KATNBL1: variants seen among roughly 807,000 people sequenced by gnomAD.
KATNBL1 encodes KATNB1-like protein 1.
Under a neutral mutation model 44.7 loss-of-function variants are expected in KATNBL1, and 28 were observed. The observed-to-expected ratio is 0.63, with a 90% confidence interval of 0.46 to 0.86. The LOEUF (loss-of-function observed/expected upper bound fraction) is 0.86. Among genes scored for constraint, KATNBL1 ranks in the 40% least tolerant of loss-of-function variants. The pLI is 0.00. For synonymous variants in KATNBL1, 78 were observed against 114.9 expected (o/e 0.68, Z 2.06); for missense variants, 272 against 350.7 (o/e 0.78, Z 1.79).
At chr15:34,189,989 G>A (rs1351459583) in intron 1 of KATNBL1, among the ~76,000 whole-genome samples, 4 of 151,120 alleles carry the variant, frequency 2.6e-5, no homozygotes, top group Admixed American at 2.0e-4. Flanking sequence ...CTGTCTCCCA[G>A]GCTGGAGTGC....
At chr15:34,200,345 C>G (rs186162060) in intron 1 of KATNBL1, among the ~76,000 whole-genome samples, 1 of 152,022 alleles carries the variant, frequency 6.6e-6, no homozygotes, top group East Asian at 1.9e-4. Context: ...CTTCGCCTCC[C>G]GCATTCAAGA....
intron 2 of KATNBL1, 136 bp downstream of exon 2, chr15:34,163,424 T>G: frequency 9.9e-7 from 1 of 1,009,970 alleles, no homozygotes; most frequent in Non-Finnish European, 1.4e-6. Context: ...ATTGGTTATA[T>G]TTCACCAATT....
chr15:34,143,993 TC>T (rs1473369113), intron 9 of KATNBL1, among the ~76,000 whole-genome samples: 3 of 143,958 alleles, frequency 2.1e-5, no homozygotes, highest in Admixed American at 2.1e-4. Context: ...AAAAAAGAAT[TC>T]TATAGAGTAA....
At chr15:34,189,947 CTTT>C (rs61022097) in intron 1 of KATNBL1, among the ~76,000 whole-genome samples, 16 of 141,872 alleles carry the variant, frequency 1.1e-4, no homozygotes, top group Admixed American at 2.1e-4. Context: ...GAAGTACATT[CTTT>C]TTTTTTTTTT....
intron 1 of KATNBL1, chr15:34,208,682 T>C (rs772890392): frequency 6.6e-6 from 1 of 152,254 alleles, no homozygotes; most frequent in Non-Finnish European, 1.5e-5. Flanking sequence ...AAATAGTCAA[T>C]GGATTTTTTG....
intron 2 of KATNBL1, among the ~76,000 whole-genome samples, chr15:34,158,025 C>T (rs1597432979): frequency 3.9e-5 from 6 of 152,306 alleles, no homozygotes; most frequent in African/African-American, 1.4e-4. Context: ...TTTTAGACAA[C>T]CAATTTGGGG....
At position 34,142,199 on chromosome 15, in the gene KATNBL1, A is replaced by G. The variant is rs564151685; in HGVS notation, c.*140T>C. On this transcript the variant is annotated 3_prime_UTR_variant, in exon 10 of 10. Transcript: ENST00000256544. ...TTGCTGGGATTTCATTAGTGGTTTC[A>G]TTACGTGGCTTTTTAAAAGAAAAAA... 12 of 778,248 alleles carry G rather than the reference A, an allele frequency of 1.5e-5. No homozygotes were observed. The South Asian group carries it at 3.4e-4, about 22-fold the overall frequency. The allele number at this position is 778,248 out of a possible 1,614,324, so 48.2% of individuals were successfully genotyped here. A position where few individuals can be genotyped will look rare whatever the true frequency, so the allele number is the denominator to read the frequency against.
chr15:34,152,156 G>A (rs1888500252), intron 4 of KATNBL1, among the ~76,000 whole-genome samples: 1 of 151,564 alleles, frequency 6.6e-6, no homozygotes, highest in Admixed American at 6.6e-5. Context: ...TGCCCAGGCT[G>A]GCCTCGAACT....
chr15:34,210,014 C>T lies in KATNBL1; in HGVS notation c.-78G>A, dbSNP rs951744810. ...GGCGCTGACGACCAGCGCCCGGCAG[C>T]CTAGAGAGTCCCTCGGCTTCTGGGC... On this transcript the variant is annotated 5_prime_UTR_variant, in exon 1 of 10. Coordinates refer to ENST00000256544, the MANE Select transcript of KATNBL1 (RefSeq NM_024713.3). 1.3e-5 allele frequency: 2 copies of T among 151,934 alleles called. No homozygotes were observed. Among genetic ancestry groups the T allele is most frequent in the Non-Finnish European group, 2.9e-5 (2 of 67,908 alleles). 9.4% of individuals were successfully genotyped at this position (151,934 alleles called of 1,614,324 possible). A position where few individuals can be genotyped will look rare whatever the true frequency, so the allele number is the denominator to read the frequency against.
At chr15:34,153,857 T>C (rs2140912087) in intron 3 of KATNBL1, among the ~76,000 whole-genome samples, 1 of 152,298 alleles carries the variant, frequency 6.6e-6, no homozygotes, top group Non-Finnish European at 1.5e-5. Flanking sequence ...GTGTGAGCCA[T>C]GGCCAAAATA....
At chr15:34,192,347 T>A (rs1205133006) in intron 1 of KATNBL1, among the ~76,000 whole-genome samples, 1 of 145,676 alleles carries the variant, frequency 6.9e-6, no homozygotes, top group Admixed American at 7.2e-5. Flanking sequence ...GAGGTTGCAG[T>A]GAGCAGAGAT....
At chr15:34,155,648 T>C (rs1163263233) in intron 2 of KATNBL1, among the ~76,000 whole-genome samples, 1 of 152,208 alleles carries the variant, frequency 6.6e-6, no homozygotes, top group African/African-American at 2.4e-5. Context: ...TGAGTTTTAA[T>C]CATGATGCAA....
intron 2 of KATNBL1, among the ~76,000 whole-genome samples, chr15:34,155,323 T>C (rs916052383): frequency 6.6e-6 from 1 of 152,110 alleles, no homozygotes; most frequent in African/African-American, 2.4e-5. Flanking sequence ...AAGAAAGAGC[T>C]TGTCAGAATA....
rs531339661 is a variant in KATNBL1, at chr15:34,184,305, C to CAAAAAAAAAAA, written c.-14-20626_-14-20616dup. Among the ~76,000 whole-genome samples the CAAAAAAAAAAA allele has an allele frequency of 1.0e-4, 13 of 129,064 alleles. No individual in the cohort carries two copies. The East Asian group carries it at 2.5e-3, about 24-fold the overall frequency. 84.7% of individuals were successfully genotyped at this position (129,064 alleles called of 152,430 possible). ...TGGACGACAGAGCGAGACTCTGTCTCAAAAAAAAAAAATTAGCTGGGCGTG... is the reference window on the plus strand; with the variant it reads ...TGGACGACAGAGCGAGACTCTGTCTCAAAAAAAAAAAAAAAAAAAAAAATTAGCTGGGCGTG... On this transcript the variant is annotated intron_variant, in intron 1 of 9. Coordinates refer to ENST00000256544, the MANE Select transcript of KATNBL1 (RefSeq NM_024713.3).
chr15:34,153,743 G>A (rs1888553414), intron 3 of KATNBL1, among the ~76,000 whole-genome samples: 1 of 152,044 alleles, frequency 6.6e-6, no homozygotes, highest in Admixed American at 6.6e-5. Context: ...ACTAACTTTT[G>A]TATTTTTAGT....
rs558895951 is a variant in KATNBL1 at position 34,172,444 on chromosome 15, A to G, written c.-14-8754T>C. Reference sequence around the variant, plus strand: ...GCTAATTTCTGTATTTTTAGTAGAGATGGGGTTTCACCATATTGGCCAGGC... The same window carrying G: ...GCTAATTTCTGTATTTTTAGTAGAGGTGGGGTTTCACCATATTGGCCAGGC... On this transcript the variant is annotated intron_variant, in intron 1 of 9. Transcript: ENST00000256544. Among the ~76,000 whole-genome samples the G allele has an allele frequency of 1.8e-4, 28 of 151,954 alleles. No homozygotes were observed. The East Asian group carries it at 3.9e-3, about 21-fold the overall frequency.
At chr15:34,174,802 C>T (rs1889275436) in intron 1 of KATNBL1, among the ~76,000 whole-genome samples, 1 of 151,964 alleles carries the variant, frequency 6.6e-6, no homozygotes, top group Non-Finnish European at 1.5e-5. Flanking sequence ...CCATCACACC[C>T]AGCTAATTTT....
intron 1 of KATNBL1, among the ~76,000 whole-genome samples, chr15:34,168,511 T>C (rs774280539): frequency 1.8e-4 from 28 of 152,014 alleles, no homozygotes; most frequent in Non-Finnish European, 3.7e-4. Context: ...CACTCCACTG[T>C]CAATATTAGA....
chr15:34,175,380 G>T (rs200186303), intron 1 of KATNBL1, among the ~76,000 whole-genome samples: 2 of 152,172 alleles, frequency 1.3e-5, no homozygotes, highest in East Asian at 1.9e-4. Flanking sequence ...CTTGGATTTT[G>T]GACCATTTCA....
Sources: allele counts gnomAD v4.1 joint callset (sites outside exome capture counted in the v4.1 genomes callset), GRCh38; gene constraint gnomAD v4.1.1; transcripts MANE v1.5; gene names NCBI Gene and HGNC (gene_info 2026-07-23, HGNC 2026-07-21).